The following MDGA2 variants were observed in gnomAD, a reference collection of about 807,000 sequenced individuals.
The protein encoded by MDGA2 is MAM domain containing glycosylphosphatidylinositol anchor 2, also known as MAM domain-containing glycosylphosphatidylinositol anchor protein 2.
MDGA2 carries 40 observed loss-of-function variants against 117.8 expected under a neutral mutation model. That is an observed-to-expected ratio of 0.34 (90% confidence interval 0.26 to 0.44). The LOEUF (loss-of-function observed/expected upper bound fraction) is 0.44. Ranked by LOEUF, MDGA2 falls within the 20% of genes least tolerant of loss-of-function variation. The probability of loss-of-function intolerance (pLI) is 1.00; values close to 1 mark genes in which losing one functional copy is unlikely to be tolerated. For missense variants in MDGA2, 1,123 were observed against 1,250.6 expected, an observed-to-expected ratio of 0.90 and a Z score of 1.54; for synonymous variants, 452 against 439.0, an observed-to-expected ratio of 1.03 and a Z score of -0.37.
At chr14:47,532,974 G>A (rs904704758) in intron 1 of MDGA2, among the ~76,000 whole-genome samples, 4 of 152,158 alleles carry the variant, frequency 2.6e-5, no homozygotes, top group African/African-American at 4.8e-5. Context: ...GTAGCAACAT[G>A]GCTGCATCAG....
intron 1 of MDGA2, among the ~76,000 whole-genome samples, chr14:47,447,890 G>T (rs867449522): frequency 2.6e-5 from 4 of 152,200 alleles, no homozygotes; most frequent in Non-Finnish European, 4.4e-5. Flanking sequence ...GAGGATATGT[G>T]GTAAAATAAG....
intron 2 of MDGA2, among the ~76,000 whole-genome samples, chr14:47,247,148 A>C (rs938906412): frequency 2.0e-5 from 3 of 151,746 alleles, no homozygotes; most frequent in African/African-American, 7.2e-5. Flanking sequence ...AGGAAAATTT[A>C]AACCTTGCAG....
intron 10 of MDGA2, among the ~76,000 whole-genome samples, chr14:46,918,705 C>T (rs1883997095): frequency 6.7e-6 from 1 of 149,928 alleles, no homozygotes; most frequent in South Asian, 2.1e-4. Context: ...AAAGCTCTTT[C>T]ACTTTTTTGA....
intron 3 of MDGA2, among the ~76,000 whole-genome samples, chr14:47,151,328 T>C (rs1356221776): frequency 1.3e-5 from 2 of 152,218 alleles, no homozygotes; most frequent in African/African-American, 4.8e-5. Context: ...GAGGTGGCTC[T>C]TGCCAGCTGA....
intron 2 of MDGA2, among the ~76,000 whole-genome samples, chr14:47,234,380 G>A (rs1280160796): frequency 6.6e-6 from 1 of 151,818 alleles, no homozygotes; most frequent in Non-Finnish European, 1.5e-5. Context: ...TATCAATTAA[G>A]GTTTGGACAT....
At chr14:47,171,205 T>C (rs1657923620) in intron 3 of MDGA2, among the ~76,000 whole-genome samples, 1 of 152,070 alleles carries the variant, frequency 6.6e-6, no homozygotes, top group Non-Finnish European at 1.5e-5. Flanking sequence ...TCTGAAGAGA[T>C]TGTGGGAAAA....
chr14:47,103,248 T>C (rs1880442941), intron 5 of MDGA2, among the ~76,000 whole-genome samples: 1 of 152,208 alleles, frequency 6.6e-6, no homozygotes, highest in Non-Finnish European at 1.5e-5. Context: ...GAAAAATATT[T>C]CTCTTGGAAG....
chr14:47,242,386 C>G (rs1488468162), intron 2 of MDGA2, among the ~76,000 whole-genome samples: 1 of 151,872 alleles, frequency 6.6e-6, no homozygotes, highest in African/African-American at 2.4e-5. Flanking sequence ...GTGGGAGCCC[C>G]TTTCTGGGCT....
intron 1 of MDGA2, among the ~76,000 whole-genome samples, chr14:47,415,343 T>C (rs1485782342): frequency 6.6e-6 from 1 of 151,668 alleles, no homozygotes; most frequent in African/African-American, 2.4e-5. Context: ...GTTTAAAATA[T>C]GTTTTACATA....
intron 2 of MDGA2, among the ~76,000 whole-genome samples, chr14:47,249,247 G>A (rs1329131001): frequency 2.0e-5 from 3 of 151,778 alleles, no homozygotes; most frequent in African/African-American, 7.3e-5. Flanking sequence ...TCGATCTCTT[G>A]ACCTCGTGAT....
chr14:47,396,241 T>C lies in MDGA2; in HGVS notation c.281-94691A>G, dbSNP rs553807025. Among the ~76,000 whole-genome samples the C allele has an allele frequency of 9.8e-5, 15 of 152,296 alleles. No individual in the cohort carries two copies. The South Asian group carries it at 3.1e-3, about 32-fold the overall frequency. ...AAGGCTTTCATTATTATAGTCACAT[T>C]TGTACTTCTAGACTCCTATATGTAT... is the stretch of plus-strand genomic sequence containing the variant. On this transcript the variant is annotated intron_variant, in intron 1 of 16. Coordinates refer to ENST00000399232, the MANE Select transcript of MDGA2 (RefSeq NM_001113498.3).
intron 1 of MDGA2, among the ~76,000 whole-genome samples, chr14:47,348,175 G>A (rs1890800287): frequency 6.6e-6 from 1 of 150,980 alleles, no homozygotes; most frequent in Non-Finnish European, 1.5e-5. Context: ...ATATGTGTGT[G>A]TGTGTGTGTG....
At chr14:47,107,166 A>C (rs1337557927) in intron 5 of MDGA2, among the ~76,000 whole-genome samples, 1 of 151,466 alleles carries the variant, frequency 6.6e-6, no homozygotes, top group African/African-American at 2.4e-5. Flanking sequence ...ACCCCACTCA[A>C]GGCCAATATC....
intron 3 of MDGA2, among the ~76,000 whole-genome samples, chr14:47,203,344 G>C (rs140230971): frequency 6.6e-6 from 1 of 151,876 alleles, no homozygotes; most frequent in African/African-American, 2.4e-5. Context: ...TGACAGATGG[G>C]GAAAGAGATT....
chr14:47,564,208 G>A (rs1895873488), intron 1 of MDGA2, among the ~76,000 whole-genome samples: 1 of 152,068 alleles, frequency 6.6e-6, no homozygotes. Context: ...TTTGACCTTG[G>A]AGAATCTGAT....
intron 1 of MDGA2, among the ~76,000 whole-genome samples, chr14:47,391,689 T>G (rs908453752): frequency 5.3e-5 from 8 of 152,176 alleles, no homozygotes. Context: ...TCTCTAAAAG[T>G]CATTCTCACA....
At chr14:47,664,260 T>A (rs2138299372) in intron 1 of MDGA2, among the ~76,000 whole-genome samples, 1 of 152,330 alleles carries the variant, frequency 6.6e-6, no homozygotes, top group South Asian at 2.1e-4. Context: ...TCCCCTAGAC[T>A]GACACAACCA....
At chr14:47,417,051 G>T (rs1303596928) in intron 1 of MDGA2, among the ~76,000 whole-genome samples, 2 of 152,158 alleles carry the variant, frequency 1.3e-5, no homozygotes, top group Admixed American at 1.3e-4. Flanking sequence ...TTGTGATGAG[G>T]TCTCATTGTC....
intron 1 of MDGA2, among the ~76,000 whole-genome samples, chr14:47,312,267 A>G (rs1308350896): frequency 6.6e-6 from 1 of 152,072 alleles, no homozygotes; most frequent in African/African-American, 2.4e-5. Context: ...GCAATGTGGC[A>G]TGGTACTTCC....
Sources: gnomAD v4.1 joint callset for allele counts (sites outside exome capture counted in the v4.1 genomes callset) on GRCh38, gnomAD v4.1.1 for gene constraint, MANE v1.5 for transcripts, NCBI Gene and HGNC (gene_info 2026-07-23, HGNC 2026-07-21) for gene names.